Variants in FAM13A observed in about 807,000 individuals in gnomAD.
The protein encoded by FAM13A is family with sequence similarity 13 member A, also known as protein FAM13A.
In FAM13A, 76 loss-of-function variants were observed where a neutral mutation model predicts 129.6. The ratio of observed to expected loss-of-function variants is 0.59; its 90% confidence interval spans 0.49 to 0.71. The LOEUF is 0.71. Ranked by LOEUF, FAM13A falls within the 30% of genes least tolerant of loss-of-function variation. The pLI is 0.00. For missense variants in FAM13A, 1,108 were observed against 1,249.3 expected (o/e 0.89, Z 1.70); for synonymous variants, 443 against 449.9 (o/e 0.98, Z 0.20).
intron 6 of FAM13A, among the ~76,000 whole-genome samples, chr4:88,865,103 A>G (rs1740154964): frequency 6.6e-6 from 1 of 152,254 alleles, no homozygotes; most frequent in Non-Finnish European, 1.5e-5. Context: ...CAAAAACAAA[A>G]TAAAAGCAGA....
chr4:88,889,702 C>T (rs1745033560), intron 6 of FAM13A, among the ~76,000 whole-genome samples: 1 of 152,122 alleles, frequency 6.6e-6, no homozygotes, highest in South Asian at 2.1e-4. Flanking sequence ...TTTGCACACG[C>T]CTTCTATCTT....
chr4:88,741,555 G>C (rs1318314567), intron 19 of FAM13A, among the ~76,000 whole-genome samples: 1 of 152,146 alleles, frequency 6.6e-6, no homozygotes, highest in Non-Finnish European at 1.5e-5. Flanking sequence ...TTTGATATGG[G>C]TGCTGGTTAC....
chr4:89,011,905 T>C (rs1051579208), intron 3 of FAM13A, among the ~76,000 whole-genome samples: 1 of 152,204 alleles, frequency 6.6e-6, no homozygotes, highest in African/African-American at 2.4e-5. Flanking sequence ...ACATATCTTC[T>C]ACTTCCTCAA....
Position 88,942,937 on chromosome 4 carries a change from G to A in FAM13A, c.606-4696C>T, listed in dbSNP as rs117302395. ...AAATGGTGAGAACTTCTAGGTAACT[G>A]GCCTAGGAAACAAATAATCTGAGTC... On this transcript the variant is annotated intron_variant, in intron 4 of 23. Transcript: ENST00000264344. 1.1e-3 allele frequency among the ~76,000 whole-genome samples: 171 copies of A among 152,260 alleles called. 4 individuals carry two copies. The East Asian group carries it at 0.029, about 25-fold the overall frequency.
At chr4:89,054,825 T>C (rs891264348) in intron 1 of FAM13A, among the ~76,000 whole-genome samples, 9 of 152,126 alleles carry the variant, frequency 5.9e-5, no homozygotes, top group Admixed American at 1.3e-4. Context: ...ACAACCTTCA[T>C]TCCACCCCTC....
At chr4:89,047,875 T>C (rs1350340643) in intron 1 of FAM13A, among the ~76,000 whole-genome samples, 5 of 152,100 alleles carry the variant, frequency 3.3e-5, no homozygotes, top group African/African-American at 7.2e-5. Context: ...AAAGAAGATA[T>C]ACAATGGCTA....
In FAM13A at chr4:88,728,259, C is replaced by G. The variant is rs1213474226; in HGVS notation, c.*274G>C. 6.5e-6 allele frequency: 3 copies of G among 459,182 alleles called. No homozygotes were observed. Among genetic ancestry groups the G allele is most frequent in the Non-Finnish European group, 7.9e-6 (2 of 252,126 alleles). 28.4% of individuals were successfully genotyped at this position (459,182 alleles called of 1,614,324 possible). ...TGCTAGTGTTAGGAAAGCTCCACTA[C>G]TGTGTGTGTGTGTGCGTGCATGCGC... is the stretch of plus-strand genomic sequence containing the variant. On this transcript the variant is annotated 3_prime_UTR_variant, in exon 24 of 24. Coordinates refer to ENST00000264344, the MANE Select transcript of FAM13A (RefSeq NM_014883.4).
At chr4:88,997,693 T>A (rs1341111236) in intron 3 of FAM13A, among the ~76,000 whole-genome samples, 1 of 152,288 alleles carries the variant, frequency 6.6e-6, no homozygotes. Context: ...GACCATGAAG[T>A]TATACTGTAC....
chr4:89,004,787 T>C lies in FAM13A; in HGVS notation c.428-13637A>G, dbSNP rs151102369. Among the ~76,000 whole-genome samples, 1,428 of 152,140 alleles carry C rather than the reference T, an allele frequency of 9.4e-3. 13 individuals carry two copies. The highest frequency in any genetic ancestry group is 0.015 in the Non-Finnish European group (1,037 of 67,978). On this transcript the variant is annotated intron_variant, in intron 3 of 23. Transcript: ENST00000264344. ...CTGAGGATGAGTTGGGACATAAGCA[T>C]TGGGAAGGGAGATTACATTAAAAAT...
At chr4:88,946,758 G>C (rs1277101319) in intron 4 of FAM13A, among the ~76,000 whole-genome samples, 1 of 152,028 alleles carries the variant, frequency 6.6e-6, no homozygotes, top group Non-Finnish European at 1.5e-5. Context: ...TAAGGAGCCA[G>C]AGTTATTATC....
chr4:88,869,208 C>T (rs973318899), intron 6 of FAM13A, among the ~76,000 whole-genome samples: 2 of 152,220 alleles, frequency 1.3e-5, no homozygotes, highest in Non-Finnish European at 2.9e-5. Context: ...GGTTTTCTCA[C>T]TTCCACTTTT....
intron 3 of FAM13A, 45 bp from the exon 4 acceptor site, chr4:88,991,195 T>C: frequency 6.8e-7 from 1 of 1,468,266 alleles, no homozygotes; most frequent in Non-Finnish European, 9.3e-7. Context: ...TATTTCACAG[T>C]AACAACAACA....
intron 6 of FAM13A, among the ~76,000 whole-genome samples, chr4:88,890,226 G>C (rs1387336170): frequency 7.9e-5 from 12 of 152,214 alleles, no homozygotes; most frequent in African/African-American, 2.7e-4. Flanking sequence ...TAGATGGGAT[G>C]AAATGTTCAA....
chr4:88,841,367 G>A lies in FAM13A; in HGVS notation c.1007+9653C>T, dbSNP rs532009011. On this transcript the variant is annotated intron_variant, in intron 7 of 23. Transcript: ENST00000264344. ...AAATTAGCCAGGCATGGTGGCATGCGCCTGTAATCCCAGCTACTCAGGAGG... is the reference window on the plus strand; with the variant it reads ...AAATTAGCCAGGCATGGTGGCATGCACCTGTAATCCCAGCTACTCAGGAGG... 6.6e-5 allele frequency among the ~76,000 whole-genome samples: 10 copies of A among 151,972 alleles called. No individual in the cohort carries two copies. In the South Asian group the frequency reaches 8.3e-4, roughly 13 times the overall value.
chr4:89,020,470 T>A lies in FAM13A; in HGVS notation c.417A>T (p.Gln139His), dbSNP rs760178790. Reference sequence around the variant, plus strand: ...ATTTATTGTACTAACCCTGAAAGAGTTGAATGAATCGAGGCTGCAACGCTG... The same window carrying A: ...ATTTATTGTACTAACCCTGAAAGAGATGAATGAATCGAGGCTGCAACGCTG... ...ITSALQPRFI[Q>H]LFQDGRNDVQ... The change falls in exon 3 of 24, where the codon CAA becomes CAT. Residue 139 changes from glutamine to histidine, a missense_variant. Transcript: ENST00000264344. 1.2e-6 allele frequency: 2 copies of A among 1,613,276 alleles called. No individual in the cohort carries two copies. The highest frequency in any genetic ancestry group is 1.7e-5 in the Admixed American group (1 of 59,964).
At chr4:88,834,342 T>C (rs1734453419) in intron 7 of FAM13A, among the ~76,000 whole-genome samples, 1 of 152,142 alleles carries the variant, frequency 6.6e-6, no homozygotes, top group Non-Finnish European at 1.5e-5. Context: ...AAATCTTTTT[T>C]TCCTCATTGA....
intron 3 of FAM13A, among the ~76,000 whole-genome samples, chr4:89,013,553 G>A (rs1293565776): frequency 6.6e-6 from 1 of 151,984 alleles, no homozygotes; most frequent in African/African-American, 2.4e-5. Context: ...TATGACTATG[G>A]TCCTATAAGA....
At chr4:88,958,207 A>G (rs1200039504) in intron 4 of FAM13A, among the ~76,000 whole-genome samples, 1 of 152,242 alleles carries the variant, frequency 6.6e-6, no homozygotes, top group Non-Finnish European at 1.5e-5. Context: ...GGCACTTCAG[A>G]GATCTGCTTG....
intron 5 of FAM13A, among the ~76,000 whole-genome samples, chr4:88,912,634 A>C (rs1749274116): frequency 6.6e-6 from 1 of 151,848 alleles, no homozygotes; most frequent in Non-Finnish European, 1.5e-5. Context: ...GAAAACCTTG[A>C]ACATATACAG....
Sources: allele counts gnomAD v4.1 joint callset (sites outside exome capture counted in the v4.1 genomes callset), GRCh38; gene constraint gnomAD v4.1.1; transcripts MANE v1.5; gene names NCBI Gene and HGNC (gene_info 2026-07-23, HGNC 2026-07-21).